R3HDM2: variants seen among roughly 807,000 people sequenced by gnomAD.
R3HDM2 encodes the protein R3H domain-containing protein 2.
R3HDM2 carries 38 observed loss-of-function variants against 124.5 expected under a neutral mutation model. That is an observed-to-expected ratio of 0.31 (90% CI 0.24 to 0.40). The LOEUF (loss-of-function observed/expected upper bound fraction) is 0.40, where lower values mean the gene tolerates loss of function less well. Ranked by LOEUF, R3HDM2 falls within the 10% of genes least tolerant of loss-of-function variation. R3HDM2 has a pLI of 1.00. For synonymous variants in R3HDM2, 391 were observed against 448.0 expected, an observed-to-expected ratio of 0.87 and a Z score of 1.61; for missense variants, 869 against 1,236.9, an observed-to-expected ratio of 0.70 and a Z score of 4.46.
At chr12:57,297,224 T>C in intron 8 of R3HDM2, 104 bp downstream of exon 8, 1 of 634,720 alleles carries the variant, frequency 1.6e-6, no homozygotes, top group Non-Finnish European at 2.7e-6. Context: ...TCAGTATGTT[T>C]TCAAAAATCA....
Position 57,296,649 on chromosome 12 carries a change from C to T in R3HDM2, c.561-98G>A. 3.9e-6 allele frequency: 5 copies of T among 1,275,800 alleles called. No homozygotes were observed. In the South Asian group the frequency reaches 7.2e-5, roughly 18 times the overall value. The allele number at this position is 1,275,800 out of a possible 1,614,324, so 79.0% of individuals were successfully genotyped here. A position where few individuals can be genotyped will look rare whatever the true frequency, so the allele number is the denominator to read the frequency against. ...TACAAGTGTCTAAAGTGGAAAGTTTCTTAGGAGAAATAGACATATTATAAG... is the reference window on the plus strand; with the variant it reads ...TACAAGTGTCTAAAGTGGAAAGTTTTTTAGGAGAAATAGACATATTATAAG... On this transcript the variant is annotated intron_variant, in intron 8 of 23. Coordinates refer to ENST00000402412, the MANE Select transcript of R3HDM2 (RefSeq NM_001394031.1). The surrounding 1 kb of genome is among the most constrained non-coding windows in gnomAD (Gnocchi z 4.5).
At chr12:57,332,170 A>G (rs1051077361) in intron 2 of R3HDM2, among the ~76,000 whole-genome samples, 33 of 151,798 alleles carry the variant, frequency 2.2e-4, no homozygotes, top group African/African-American at 7.7e-4. Context: ...AGAACTTTGG[A>G]AGGCTGAGGT....
At chr12:57,351,688 G>C (rs1238650865) in intron 2 of R3HDM2, among the ~76,000 whole-genome samples, 1 of 152,104 alleles carries the variant, frequency 6.6e-6, no homozygotes, top group Non-Finnish European at 1.5e-5. Context: ...ATATAAAATG[G>C]GGTAACTCTA....
chr12:57,415,010 A>G (rs1460837621), intron 1 of R3HDM2, among the ~76,000 whole-genome samples: 1 of 152,136 alleles, frequency 6.6e-6, no homozygotes, highest in African/African-American at 2.4e-5. Flanking sequence ...TGCTCAAAAC[A>G]TGACAGGGAT....
chr12:57,320,538 AT>A (rs2056264455), intron 2 of R3HDM2, among the ~76,000 whole-genome samples: 3 of 152,194 alleles, frequency 2.0e-5, no homozygotes, highest in Admixed American at 6.6e-5. Context: ...AAATAGTACA[AT>A]TTCAAAGGCA....
chr12:57,391,042 AAG>A (rs2066608877), intron 2 of R3HDM2, among the ~76,000 whole-genome samples: 1 of 152,036 alleles, frequency 6.6e-6, no homozygotes, highest in Middle Eastern at 3.2e-3. Flanking sequence ...AAAGAAAGAA[AAG>A]AAATATCTAA....
At chr12:57,320,818 G>A (rs905064787) in intron 2 of R3HDM2, among the ~76,000 whole-genome samples, 25 of 152,130 alleles carry the variant, frequency 1.6e-4, no homozygotes, top group African/African-American at 5.6e-4. Flanking sequence ...AAAGGAATAT[G>A]TTAGATAGGG....
intron 1 of R3HDM2, chr12:57,418,136 C>T (rs2069830883): frequency 1.0e-6 from 1 of 984,388 alleles, no homozygotes. Context: ...CAAACCTACC[C>T]TTTTCTTATC....
At chr12:57,340,983 C>T (rs1450711093) in intron 2 of R3HDM2, among the ~76,000 whole-genome samples, 1 of 151,982 alleles carries the variant, frequency 6.6e-6, no homozygotes, top group Admixed American at 6.6e-5. Flanking sequence ...GCTTTAGCTA[C>T]ATACATCAAA....
chr12:57,428,569 G>A (rs909573289), intron 1 of R3HDM2, among the ~76,000 whole-genome samples: 3 of 151,274 alleles, frequency 2.0e-5, no homozygotes, highest in Non-Finnish European at 4.4e-5. Context: ...GCAGGAGAAT[G>A]GCATTTACCC....
intron 1 of R3HDM2, among the ~76,000 whole-genome samples, chr12:57,401,087 A>G (rs1187406096): frequency 6.6e-6 from 1 of 151,992 alleles, no homozygotes; most frequent in Non-Finnish European, 1.5e-5. Context: ...AGAGAAAGGG[A>G]AGGAGAAAAA....
chr12:57,360,918 G>A (rs73115907), intron 2 of R3HDM2, among the ~76,000 whole-genome samples: 35,990 of 151,462 alleles, frequency 0.24, 4,627 homozygotes, highest in South Asian at 0.43. Context: ...CAGCCGTGGT[G>A]GGGGGTGCCT....
At chr12:57,342,808 A>G (rs778520021) in intron 2 of R3HDM2, among the ~76,000 whole-genome samples, 5 of 152,230 alleles carry the variant, frequency 3.3e-5, no homozygotes, top group Non-Finnish European at 5.9e-5. Flanking sequence ...GACTTTAGAA[A>G]TGTAAAATTA....
At chr12:57,425,414 T>C (rs1369883504) in intron 1 of R3HDM2, among the ~76,000 whole-genome samples, 3 of 152,236 alleles carry the variant, frequency 2.0e-5, no homozygotes, top group Admixed American at 6.5e-5. Context: ...TCCCATTAAC[T>C]GTTCTCTCCT....
chr12:57,352,907 C>G (rs1012128958), intron 2 of R3HDM2, among the ~76,000 whole-genome samples: 10 of 151,988 alleles, frequency 6.6e-5, no homozygotes, highest in African/African-American at 2.2e-4. Context: ...TAATTAAATA[C>G]GGTACCAGAT....
At chr12:57,324,881 G>A (rs1249272438) in intron 2 of R3HDM2, among the ~76,000 whole-genome samples, 6 of 152,134 alleles carry the variant, frequency 3.9e-5, no homozygotes, top group South Asian at 4.1e-4. Flanking sequence ...TTAAAGAGGC[G>A]ATTAAGTTAA....
At chr12:57,319,832 C>G (rs895973197) in intron 2 of R3HDM2, among the ~76,000 whole-genome samples, 1 of 152,138 alleles carries the variant, frequency 6.6e-6, no homozygotes, top group Non-Finnish European at 1.5e-5. Flanking sequence ...CTCTCTTTTG[C>G]TTTCCAAAAT....
intron 1 of R3HDM2, among the ~76,000 whole-genome samples, chr12:57,422,636 C>T (rs895965060): frequency 1.3e-5 from 2 of 152,050 alleles, no homozygotes; most frequent in Non-Finnish European, 2.9e-5. Context: ...GGTTTAAGAA[C>T]GAGAGATAGG....
chr12:57,382,697 G>A (rs948208844), intron 2 of R3HDM2, among the ~76,000 whole-genome samples: 5 of 151,478 alleles, frequency 3.3e-5, no homozygotes, highest in Non-Finnish European at 5.9e-5. Flanking sequence ...TTAGCCAGGC[G>A]TGGTGGCAGG....
Sources: gnomAD v4.1 joint callset for allele counts (sites outside exome capture counted in the v4.1 genomes callset) on GRCh38, gnomAD v4.1.1 for gene constraint, Gnocchi (gnomAD v3.1) non-coding constraint, MANE v1.5 for transcripts, NCBI Gene and HGNC (gene_info 2026-07-23, HGNC 2026-07-21) for gene names.